Variants in BACH1 observed in about 807,000 individuals in gnomAD.
BACH1 encodes transcription regulator protein BACH1.
BACH1 carries 35 observed loss-of-function variants against 52.9 expected under a neutral mutation model. The observed-to-expected ratio is 0.66, with a 90% CI of 0.51 to 0.88. BACH1 has a LOEUF of 0.88. Ranked by LOEUF, BACH1 falls within the 40% of genes least tolerant of loss-of-function variation. The pLI is 0.00. For synonymous variants in BACH1, 321 were observed against 319.6 expected, an observed-to-expected ratio of 1.00 and a Z score of -0.05; for missense variants, 808 against 872.6, an observed-to-expected ratio of 0.93 and a Z score of 0.93.
intron 2 of BACH1, among the ~76,000 whole-genome samples, chr21:29,360,755 G>T (rs1390929643): frequency 6.7e-6 from 1 of 150,314 alleles, no homozygotes; most frequent in East Asian, 2.0e-4. Context: ...TGAGACAGGA[G>T]AATAGCTTGA....
At chr21:29,301,604 A>G (rs1434724717) in intron 1 of BACH1, among the ~76,000 whole-genome samples, 2 of 152,190 alleles carry the variant, frequency 1.3e-5, no homozygotes, top group African/African-American at 2.4e-5. Context: ...TCATTTGATA[A>G]CCTGTATTTT....
chr21:29,361,159 G>A (rs1176993503), intron 2 of BACH1: 1 of 152,218 alleles, frequency 6.6e-6, no homozygotes, highest in Admixed American at 6.5e-5. Flanking sequence ...TCCTGGAGTA[G>A]GAAAAAGACT....
intron 1 of BACH1, among the ~76,000 whole-genome samples, chr21:29,308,291 G>C (rs1177505095): frequency 2.6e-5 from 4 of 152,152 alleles, no homozygotes; most frequent in Non-Finnish European, 5.9e-5. Flanking sequence ...TTTAGTTTTA[G>C]CTATGTATAT....
intron 2 of BACH1, among the ~76,000 whole-genome samples, chr21:29,356,405 G>C (rs972148691): frequency 6.6e-6 from 1 of 152,208 alleles, no homozygotes; most frequent in Admixed American, 6.5e-5. Flanking sequence ...GATACTGTAA[G>C]TACTTTAAGG....
chr21:29,314,182 A>G (rs900887907), intron 1 of BACH1, among the ~76,000 whole-genome samples: 11 of 152,190 alleles, frequency 7.2e-5, no homozygotes, highest in South Asian at 2.1e-4. Context: ...TCTTTGTAGT[A>G]AGAAGGTATA....
Position 29,345,790 on chromosome 21 carries a change from CTG to C in BACH1, c.*2959_*2960del, listed in dbSNP as rs1182601908. ...CAGTTATAAAACATCTATTTTGAATCTGTAAATATTTTAAATGTTTTATTAAG... is the reference window on the plus strand; with the variant it reads ...CAGTTATAAAACATCTATTTTGAATCTAAATATTTTAAATGTTTTATTAAG... On this transcript the variant is annotated 3_prime_UTR_variant, in exon 5 of 5. Transcript: ENST00000286800. 1 of 152,502 alleles carries C rather than the reference CTG, an allele frequency of 6.6e-6. No homozygotes were observed. Among genetic ancestry groups the C allele is most frequent in the Non-Finnish European group, 1.5e-5 (1 of 68,010 alleles). The allele number at this position is 152,502 out of a possible 1,614,324, so 9.4% of individuals were successfully genotyped here. A position where few individuals can be genotyped will look rare whatever the true frequency, so the allele number is the denominator to read the frequency against.
At chr21:29,327,415 A>T (rs750875639) in intron 3 of BACH1, 22 bp downstream of exon 3, 2 of 1,594,078 alleles carry the variant, frequency 1.3e-6, no homozygotes, top group East Asian at 4.5e-5. Flanking sequence ...TATGTTCTTA[A>T]TTCATTGTTT....
intron 4 of BACH1, among the ~76,000 whole-genome samples, chr21:29,337,173 C>G (rs188683819): frequency 6.6e-6 from 1 of 152,310 alleles, no homozygotes; most frequent in African/African-American, 2.4e-5. Context: ...TTGCCATGGT[C>G]TCACTTTTTA....
At chr21:29,313,340 G>A (rs1354182496) in intron 1 of BACH1, among the ~76,000 whole-genome samples, 1 of 152,198 alleles carries the variant, frequency 6.6e-6, no homozygotes, top group Non-Finnish European at 1.5e-5. Context: ...TACACTGCTG[G>A]TAGCAAGATA....
At chr21:29,303,188 A>C (rs2088621504) in intron 1 of BACH1, among the ~76,000 whole-genome samples, 1 of 152,252 alleles carries the variant, frequency 6.6e-6, no homozygotes, top group Admixed American at 6.5e-5. Context: ...TTTTCTTTAG[A>C]TGATATGCCT....
chr21:29,336,576 C>A (rs373116322), intron 4 of BACH1, among the ~76,000 whole-genome samples: 1 of 152,272 alleles, frequency 6.6e-6, no homozygotes, highest in East Asian at 1.9e-4. Context: ...ATTACAAAAT[C>A]ATGATTTTTC....
At chr21:29,351,097 A>G (rs2089199488), downstream of BACH1, among the ~76,000 whole-genome samples, 1 of 152,224 alleles carries the variant, frequency 6.6e-6, no homozygotes, top group African/African-American at 2.4e-5. Flanking sequence ...TAAAACAGCC[A>G]TCCTTTAAAA....
chr21:29,331,382 G>A (rs754347398), intron 4 of BACH1, among the ~76,000 whole-genome samples: 2 of 152,084 alleles, frequency 1.3e-5, no homozygotes, highest in Non-Finnish European at 2.9e-5. Flanking sequence ...AAATAAAAGC[G>A]AAACAAGACT....
intron 1 of BACH1, among the ~76,000 whole-genome samples, chr21:29,314,223 C>G (rs531447188): frequency 3.3e-5 from 5 of 152,126 alleles, no homozygotes; most frequent in African/African-American, 1.2e-4. Context: ...TGTTTTGGTT[C>G]TGGAGCTTGG....
chr21:29,333,906 G>A (rs2089013768), intron 4 of BACH1, among the ~76,000 whole-genome samples: 1 of 152,186 alleles, frequency 6.6e-6, no homozygotes, highest in Non-Finnish European at 1.5e-5. Flanking sequence ...TTCTGTCAGA[G>A]TCTAATAGAA....
intron 2 of BACH1, among the ~76,000 whole-genome samples, chr21:29,323,745 T>G (rs890337714): frequency 2.6e-5 from 4 of 152,208 alleles, no homozygotes; most frequent in African/African-American, 9.7e-5. Context: ...CATGTACAGA[T>G]GTAAGAAACA....
Position 29,345,488 on chromosome 21 carries a change from A to ATG in BACH1, c.*2656_*2657insGT, listed in dbSNP as rs2089159816. ...AAGCTGTTATGTTGAATTCAGTAAA[A>ATG]TAACATTACCTTATTTTTTTTCTTA... On this transcript the variant is annotated 3_prime_UTR_variant, in exon 5 of 5. Coordinates refer to ENST00000286800, the MANE Select transcript of BACH1 (RefSeq NM_001186.4). 6.6e-6 allele frequency: 1 copy of ATG among 152,234 alleles called. No homozygotes were observed. The highest frequency in any genetic ancestry group is 2.4e-5 in the African/African-American group (1 of 41,464). 9.4% of individuals were successfully genotyped at this position (152,234 alleles called of 1,614,324 possible). A position where few individuals can be genotyped will look rare whatever the true frequency, so the allele number is the denominator to read the frequency against.
At chr21:29,353,741 G>A (rs915959740) in intron 2 of BACH1, among the ~76,000 whole-genome samples, 1 of 152,186 alleles carries the variant, frequency 6.6e-6, no homozygotes, top group African/African-American at 2.4e-5. Context: ...CTTGACATGA[G>A]TCACCTAGAG....
chr21:29,357,016 A>G (rs1218646012), intron 2 of BACH1, among the ~76,000 whole-genome samples: 2 of 152,212 alleles, frequency 1.3e-5, no homozygotes, highest in African/African-American at 4.8e-5. Context: ...ACTGCATGCA[A>G]TAACTCCATG....
Sources: gnomAD v4.1 joint callset for allele counts (sites outside exome capture counted in the v4.1 genomes callset) on GRCh38, gnomAD v4.1.1 for gene constraint, MANE v1.5 for transcripts, NCBI Gene and HGNC (gene_info 2026-07-23, HGNC 2026-07-21) for gene names.